The following RPS6KC1 variants were observed in gnomAD, a reference collection of about 807,000 sequenced individuals.
RPS6KC1 encodes inactive ribosomal protein S6 kinase delta-1.
A neutral mutation model predicts 103.8 loss-of-function variants in RPS6KC1; 54 were observed. The ratio of observed to expected loss-of-function variants is 0.52; its 90% CI spans 0.42 to 0.65. The LOEUF is 0.65. Among genes scored for constraint, RPS6KC1 ranks in the 30% least tolerant of loss-of-function variants. The pLI, the probability that RPS6KC1 is intolerant of heterozygous loss-of-function variation, is 0.00. For missense variants in RPS6KC1, 1,151 were observed against 1,253.8 expected (o/e 0.92, Z 1.24); for synonymous variants, 439 against 438.7 (o/e 1.00, Z -0.01).
chr1:213,785,919 T>C, the RPS6KC1 span, among the ~76,000 whole-genome samples: 8 of 152,262 alleles, frequency 5.3e-5, no homozygotes, highest in African/African-American at 1.9e-4. Flanking sequence ...TTATTGCTAT[T>C]ATGGAGGGAA....
chr1:213,722,617 T>C, the RPS6KC1 span, among the ~76,000 whole-genome samples: 1 of 152,184 alleles, frequency 6.6e-6, no homozygotes, highest in Admixed American at 6.5e-5. Flanking sequence ...TGCTAGATGA[T>C]GGCCATCTCC....
intron 12 of RPS6KC1, among the ~76,000 whole-genome samples, chr1:213,257,932 T>G (rs2149075155): frequency 6.6e-6 from 1 of 151,474 alleles, no homozygotes; most frequent in South Asian, 2.1e-4. Flanking sequence ...GCCTCCCAAG[T>G]AGTTAGGACT....
At chr1:213,440,848 C>A in the RPS6KC1 span, among the ~76,000 whole-genome samples, 74 of 152,266 alleles carry the variant, frequency 4.9e-4, no homozygotes, top group African/African-American at 1.7e-3. Context: ...ACCCATCACC[C>A]TAGTTAAGCC....
the RPS6KC1 span, among the ~76,000 whole-genome samples, chr1:213,656,985 C>T: frequency 6.6e-6 from 1 of 152,136 alleles, no homozygotes; most frequent in South Asian, 2.1e-4. Flanking sequence ...AGATACTATG[C>T]ATTTCTGAAG....
At chr1:213,630,331 A>G in the RPS6KC1 span, among the ~76,000 whole-genome samples, 2 of 152,000 alleles carry the variant, frequency 1.3e-5, no homozygotes, top group East Asian at 3.9e-4. Context: ...CATTCATTTG[A>G]TCTTCCATCA....
At chr1:213,735,440 T>C in the RPS6KC1 span, among the ~76,000 whole-genome samples, 3,287 of 152,316 alleles carry the variant, frequency 0.022, 125 homozygotes, top group African/African-American at 0.074. Context: ...ACCACCCTTG[T>C]TCTATTTCCC....
chr1:213,400,653 G>T, the RPS6KC1 span, among the ~76,000 whole-genome samples: 1 of 151,868 alleles, frequency 6.6e-6, no homozygotes, highest in African/African-American at 2.4e-5. Flanking sequence ...CAAGTTCCCT[G>T]TTGTTCTATA....
the RPS6KC1 span, among the ~76,000 whole-genome samples, chr1:213,471,331 T>G: frequency 1.1e-4 from 17 of 152,220 alleles, no homozygotes; most frequent in East Asian, 3.3e-3. Flanking sequence ...TAGGGAAAAA[T>G]TAGAAACCAA....
At chr1:213,166,814 C>A (rs1009512559) in intron 6 of RPS6KC1, among the ~76,000 whole-genome samples, 109 of 152,298 alleles carry the variant, frequency 7.2e-4, no homozygotes, top group African/African-American at 2.6e-3. Flanking sequence ...CGGACTACCT[C>A]AGGGAAAGAA....
chr1:213,551,710 T>A, the RPS6KC1 span, among the ~76,000 whole-genome samples: 1 of 152,200 alleles, frequency 6.6e-6, no homozygotes, highest in Non-Finnish European at 1.5e-5. Context: ...GACACATCAC[T>A]GTCACCCAAA....
the RPS6KC1 span, among the ~76,000 whole-genome samples, chr1:213,533,095 G>C: frequency 1.3e-5 from 2 of 152,156 alleles, no homozygotes; most frequent in Non-Finnish European, 2.9e-5. Flanking sequence ...AGAGTGCTTC[G>C]ATCAGAGCTC....
chr1:213,728,937 GTT>G, the RPS6KC1 span, among the ~76,000 whole-genome samples: 2 of 93,438 alleles, frequency 2.1e-5, no homozygotes, highest in African/African-American at 9.5e-5. Flanking sequence ...GAACATGAGG[GTT>G]TTTTTTTTGT....
At chr1:213,861,631 C>G in the RPS6KC1 span, among the ~76,000 whole-genome samples, 1 of 152,210 alleles carries the variant, frequency 6.6e-6, no homozygotes, top group South Asian at 2.1e-4. Context: ...GCACAGTTTA[C>G]AGCTGAATAT....
At chr1:213,497,794 C>A in the RPS6KC1 span, among the ~76,000 whole-genome samples, 1 of 151,532 alleles carries the variant, frequency 6.6e-6, no homozygotes. Context: ...TTTGAGAAAA[C>A]CAAATATTTG....
At chr1:213,699,884 T>G in the RPS6KC1 span, among the ~76,000 whole-genome samples, 1 of 152,152 alleles carries the variant, frequency 6.6e-6, no homozygotes, top group Admixed American at 6.5e-5. Flanking sequence ...GCCCATTTTT[T>G]GATCAGATTA....
At chr1:213,137,752 G>GCGCGCTCTCTCTCTCTCTCTCTCTCT (rs1553340080) in intron 6 of RPS6KC1, among the ~76,000 whole-genome samples, 3 of 12,204 alleles carry the variant, frequency 2.5e-4, no homozygotes, top group African/African-American at 3.6e-4. Flanking sequence ...AGTCCAGTTT[G>GCGCGCTCTCTCTCTCTCTCTCTCTCT]CTCTCTCTCT....
chr1:213,686,963 T>C, the RPS6KC1 span, among the ~76,000 whole-genome samples: 1 of 126,648 alleles, frequency 7.9e-6, no homozygotes, highest in Non-Finnish European at 1.8e-5. Context: ...GATGTTGCCA[T>C]GGCATTTGTA....
chr1:213,574,571 A>G, the RPS6KC1 span, among the ~76,000 whole-genome samples: 1 of 152,300 alleles, frequency 6.6e-6, no homozygotes, highest in East Asian at 1.9e-4. Context: ...AAAACAACAG[A>G]TCCAAGAATT....
At position 213,241,906 on chromosome 1, in the gene RPS6KC1, T is replaced by C; in HGVS notation, c.2430T>C (p.Thr810=). ...TTGGAGTGGTTGAGTCAGCAGTAAC[T>C]GCAAACAACACAGAAGAAAGCTTAT... The part of the protein sequence containing the change: ...QGLGVVESAV[T]ANNTEESLFR... Residue 810 remains threonine, a synonymous_variant, in exon 11 of 15, where the codon ACT becomes ACC. Transcript: ENST00000366960. The C allele has an allele frequency of 2.5e-6, 4 of 1,614,016 alleles. No homozygotes were observed. Among genetic ancestry groups the C allele is most frequent in the Non-Finnish European group, 3.4e-6 (4 of 1,179,950 alleles).
Sources: allele counts gnomAD v4.1 joint callset (sites outside exome capture counted in the v4.1 genomes callset), GRCh38; gene constraint gnomAD v4.1.1; transcripts MANE v1.5; gene names NCBI Gene and HGNC (gene_info 2026-07-23, HGNC 2026-07-21).